Variants in TTC39A observed in about 807,000 individuals in gnomAD.
TTC39A encodes tetratricopeptide repeat domain 39A.
TTC39A carries 46 observed loss-of-function variants against 82.3 expected under a neutral mutation model. That is an observed-to-expected ratio of 0.56 (90% CI 0.44 to 0.71). The LOEUF (loss-of-function observed/expected upper bound fraction) is 0.71. Among genes scored for constraint, TTC39A ranks in the 30% least tolerant of loss-of-function variants. The pLI, the probability that TTC39A is intolerant of heterozygous loss-of-function variation, is 0.00. For synonymous variants in TTC39A, 254 were observed against 275.2 expected, an observed-to-expected ratio of 0.92 and a Z score of 0.76; for missense variants, 543 against 712.9, an observed-to-expected ratio of 0.76 and a Z score of 2.71.
chr1:51,303,312 C>T (rs1308687608), intron 8 of TTC39A, 120 bp from the exon 9 acceptor site: 8 of 823,058 alleles, frequency 9.7e-6, no homozygotes, highest in Non-Finnish European at 1.2e-5. Context: ...ACCCTGGGGG[C>T]CAGGTCAGCT....
In TTC39A at chr1:51,317,714, C is replaced by G. The variant is rs138121713; in HGVS notation, c.146+4007G>C. 3.6e-3 allele frequency among the ~76,000 whole-genome samples: 545 copies of G among 152,314 alleles called. 7 individuals carry two copies. Among genetic ancestry groups the G allele is most frequent in the African/African-American group, 0.013 (528 of 41,560 alleles). ...GCAGTGAGCCGAGATCACACCATTG[C>G]ACTCCAGCCTGAGCGACAGAGCAAC... On this transcript the variant is annotated intron_variant, in intron 2 of 17. Coordinates refer to ENST00000680483, the MANE Select transcript of TTC39A (RefSeq NM_001297663.2).
intron 1 of TTC39A, among the ~76,000 whole-genome samples, chr1:51,327,533 G>T (rs752164937): frequency 6.6e-6 from 1 of 152,044 alleles, no homozygotes; most frequent in African/African-American, 2.4e-5. Context: ...GATAACCTTG[G>T]GAATGTTCCA....
chr1:51,320,528 A>G (rs1338108375), intron 2 of TTC39A, among the ~76,000 whole-genome samples: 1 of 148,022 alleles, frequency 6.8e-6, no homozygotes, highest in Non-Finnish European at 1.5e-5. Flanking sequence ...GGCTCAGATA[A>G]TCCTCCCACT....
chr1:51,330,085 TC>T lies in TTC39A; in HGVS notation c.41+351del. 4 of 950,334 alleles carry T rather than the reference TC, an allele frequency of 4.2e-6. No individual in the cohort carries two copies. Among genetic ancestry groups the T allele is most frequent in the Non-Finnish European group, 5.0e-6 (4 of 797,910 alleles). The allele number at this position is 950,334 out of a possible 1,614,324, so 58.9% of individuals were successfully genotyped here. A position where few individuals can be genotyped will look rare whatever the true frequency, so the allele number is the denominator to read the frequency against. ...GTCACTTAAGTGCTGTGTCTCAGTT[TC>T]CTCATCTGTAATGGGGATGAGAGTA... On this transcript the variant is annotated intron_variant, in intron 1 of 17. Transcript: ENST00000680483. This position sits in a 1 kb window ranked among gnomAD's most constrained non-coding sequence, Gnocchi z 4.5.
intron 8 of TTC39A, 131 bp from the exon 9 acceptor site, chr1:51,303,323 G>A: frequency 1.4e-6 from 1 of 733,866 alleles, no homozygotes; most frequent in Non-Finnish European, 2.2e-6. Flanking sequence ...CAGGTCAGCT[G>A]TGTGGCCCTG....
upstream of TTC39A, among the ~76,000 whole-genome samples, chr1:51,330,717 ACCCCCG>A (rs1645886911): frequency 6.6e-6 from 1 of 151,004 alleles, no homozygotes; most frequent in Non-Finnish European, 1.5e-5. The surrounding 1 kb of genome is among the most constrained non-coding windows in gnomAD (Gnocchi z 4.5). Flanking sequence ...GGCGGCCCCC[ACCCCCG>A]CTCCGACAGG....
Position 51,330,274 on chromosome 1 carries a change from C to A in TTC39A, c.41+163G>T. On this transcript the variant is annotated intron_variant, in intron 1 of 17. Transcript: ENST00000680483. This position sits in a 1 kb window ranked among gnomAD's most constrained non-coding sequence, Gnocchi z 4.5. ...TCCTCACAGCCCCCTGCCCCCACTC[C>A]TGGCAGCGGCGGCGGCTGCCAGGGG... is the stretch of plus-strand genomic sequence containing the variant. The A allele has an allele frequency of 1.0e-6, 1 of 961,212 alleles. No individual in the cohort carries two copies. The highest frequency in any genetic ancestry group is 1.2e-6 in the Non-Finnish European group (1 of 808,110). The allele number at this position is 961,212 out of a possible 1,614,324, so 59.5% of individuals were successfully genotyped here. A position where few individuals can be genotyped will look rare whatever the true frequency, so the allele number is the denominator to read the frequency against.
At chr1:51,302,023 A>C in intron 11 of TTC39A, 1 of 688,480 alleles carries the variant, frequency 1.5e-6, no homozygotes, top group Non-Finnish European at 2.7e-6. Flanking sequence ...GGGAGGTACC[A>C]GACTCCAGCC....
At chr1:51,302,444 T>G (rs1310826342) in intron 10 of TTC39A, 28 bp from the exon 11 acceptor site, 1 of 1,607,074 alleles carries the variant, frequency 6.2e-7, no homozygotes, top group South Asian at 1.1e-5. Context: ...TAAGTCCGTG[T>G]GGGTCCGTGG....
upstream of TTC39A, among the ~76,000 whole-genome samples, chr1:51,334,251 C>A (rs932061047): frequency 6.7e-6 from 1 of 150,128 alleles, no homozygotes; most frequent in Non-Finnish European, 1.5e-5. Flanking sequence ...TGCCTGTAAT[C>A]CCAGCACTTT....
At chr1:51,304,704 C>A (rs1375465155) in intron 8 of TTC39A, among the ~76,000 whole-genome samples, 1 of 152,174 alleles carries the variant, frequency 6.6e-6, no homozygotes, top group Non-Finnish European at 1.5e-5. Flanking sequence ...AGTGGTAGCA[C>A]CAGAAAATGG....
At chr1:51,331,758 A>G (rs977522292), upstream of TTC39A, 19 of 985,344 alleles carry the variant, frequency 1.9e-5, no homozygotes, top group Non-Finnish European at 2.3e-5. Flanking sequence ...CGAAAAAGAT[A>G]ATTAACTACT....
intron 11 of TTC39A, chr1:51,302,008 T>C (rs890349025): frequency 4.4e-6 from 3 of 677,000 alleles, no homozygotes; most frequent in East Asian, 2.7e-5. Context: ...AGAGCTATAA[T>C]GGAGGGGAGG....
chr1:51,302,021 C>G (rs1030655128), intron 11 of TTC39A: 2 of 685,886 alleles, frequency 2.9e-6, no homozygotes, highest in Non-Finnish European at 5.4e-6. Flanking sequence ...AGGGGAGGTA[C>G]CAGACTCCAG....
chr1:51,342,956 C>G, intron 1 of TTC39A: 1 of 434,126 alleles, frequency 2.3e-6, no homozygotes, highest in Non-Finnish European at 4.8e-6. Context: ...ACCACCACGC[C>G]AGCCTCCCCT....
Position 51,303,355 on chromosome 1 carries a change from G to A in TTC39A, c.655-163C>T, listed in dbSNP as rs576909676. ...CCTGAGCAAGTGGCTGCCCCTCAGT[G>A]CCCCAGCACATTCCTGGGAGAAGGG... On this transcript the variant is annotated intron_variant, in intron 8 of 17. Coordinates refer to ENST00000680483, the MANE Select transcript of TTC39A (RefSeq NM_001297663.2). Among the ~76,000 whole-genome samples the A allele has an allele frequency of 2.5e-3, 382 of 152,296 alleles. 1 individual carries two copies. The highest frequency in any genetic ancestry group is 4.2e-3 in the Non-Finnish European group (288 of 67,996).
intron 6 of TTC39A, 133 bp from the exon 7 acceptor site, chr1:51,306,209 G>C: frequency 1.5e-6 from 1 of 679,438 alleles, no homozygotes; most frequent in Non-Finnish European, 2.5e-6. Flanking sequence ...CTGAGAGCTG[G>C]TATTTGAGGA....
chr1:51,304,322 A>G (rs1644791418), intron 8 of TTC39A, among the ~76,000 whole-genome samples: 2 of 152,214 alleles, frequency 1.3e-5, no homozygotes, highest in African/African-American at 4.8e-5. Context: ...TAATATATAA[A>G]TTATAATAGA....
At chr1:51,309,433 G>A in intron 5 of TTC39A, 108 bp from the exon 6 acceptor site, 2 of 1,576,568 alleles carry the variant, frequency 1.3e-6, no homozygotes, top group African/African-American at 2.7e-5. Context: ...GAGGAACCCT[G>A]GGGGGATGAG....
Sources: allele counts gnomAD v4.1 joint callset (sites outside exome capture counted in the v4.1 genomes callset), GRCh38; gene constraint gnomAD v4.1.1; non-coding constraint Gnocchi (gnomAD v3.1); transcripts MANE v1.5; gene names NCBI Gene and HGNC (gene_info 2026-07-23, HGNC 2026-07-21).